Variants in RARB observed in about 807,000 individuals in gnomAD.
RARB encodes the protein HBV-activated protein.
A neutral mutation model predicts 51.9 loss-of-function variants in RARB; 17 were observed. The observed-to-expected ratio is 0.33, with a 90% confidence interval of 0.22 to 0.49. RARB has a LOEUF of 0.49. RARB is among the 20% of genes least tolerant of loss of function. RARB has a pLI of 0.99. For synonymous variants in RARB, 215 were observed against 195.4 expected, an observed-to-expected ratio of 1.10 and a Z score of -0.84; for missense variants, 369 against 550.8, an observed-to-expected ratio of 0.67 and a Z score of 3.30.
At chr3:25,072,589 C>T (rs1386926098) in intron 3 of RARB, among the ~76,000 whole-genome samples, 2 of 152,154 alleles carry the variant, frequency 1.3e-5, no homozygotes, top group Non-Finnish European at 2.9e-5. Flanking sequence ...AAGAATGGGG[C>T]AAATACCATT....
intron 5 of RARB, among the ~76,000 whole-genome samples, chr3:25,229,720 A>C (rs987805083): frequency 1.6e-4 from 24 of 148,810 alleles, no homozygotes; most frequent in African/African-American, 6.0e-4. Context: ...ATTGTTAGAA[A>C]GCATTAAATT....
intron 5 of RARB, among the ~76,000 whole-genome samples, chr3:25,589,799 G>A (rs563467595): frequency 6.6e-6 from 1 of 152,372 alleles, no homozygotes; most frequent in African/African-American, 2.4e-5. Flanking sequence ...TTTGGTTGGT[G>A]AGACAGCCTG....
At chr3:25,017,717 T>C (rs1273743854) in intron 2 of RARB, among the ~76,000 whole-genome samples, 2 of 152,204 alleles carry the variant, frequency 1.3e-5, no homozygotes, top group Admixed American at 6.5e-5. Flanking sequence ...CTAAACTTAG[T>C]GCCTCTGAAT....
chr3:24,991,881 T>C (rs1212766877), intron 2 of RARB, among the ~76,000 whole-genome samples: 2 of 151,940 alleles, frequency 1.3e-5, no homozygotes, highest in Non-Finnish European at 2.9e-5. Flanking sequence ...CTGTTCCCTA[T>C]CTCCCCCTGC....
chr3:25,213,563 C>T (rs1701749149), intron 5 of RARB, among the ~76,000 whole-genome samples: 1 of 152,154 alleles, frequency 6.6e-6, no homozygotes, highest in African/African-American at 2.4e-5. Context: ...TGCACATTAC[C>T]AGAGTATCTA....
At chr3:24,924,647 T>C (rs1695280540) in intron 2 of RARB, among the ~76,000 whole-genome samples, 1 of 152,192 alleles carries the variant, frequency 6.6e-6, no homozygotes, top group Non-Finnish European at 1.5e-5. Context: ...TCATATGTAA[T>C]ACTATTGATG....
At chr3:25,524,059 T>C (rs1698527219) in intron 3 of RARB, among the ~76,000 whole-genome samples, 1 of 152,176 alleles carries the variant, frequency 6.6e-6, no homozygotes, top group African/African-American at 2.4e-5. Flanking sequence ...CGATATACTA[T>C]AGGTTGTTCA....
At chr3:24,854,299 T>C (rs145472682) in intron 1 of RARB, among the ~76,000 whole-genome samples, 1 of 152,218 alleles carries the variant, frequency 6.6e-6, no homozygotes, top group South Asian at 2.1e-4. Context: ...ACAACTCATG[T>C]TTCTCAATGT....
At chr3:25,526,862 AT>A (rs759241022) in intron 3 of RARB, among the ~76,000 whole-genome samples, 2 of 152,186 alleles carry the variant, frequency 1.3e-5, no homozygotes, top group Non-Finnish European at 2.9e-5. Flanking sequence ...GATTTTAATA[AT>A]GGAGTTCTGC....
At chr3:25,412,485 C>G (rs1448073725) in intron 5 of RARB, among the ~76,000 whole-genome samples, 1 of 152,134 alleles carries the variant, frequency 6.6e-6, no homozygotes, top group Non-Finnish European at 1.5e-5. Flanking sequence ...TTGAGAGCTC[C>G]TTCCATTCTC....
At chr3:24,982,804 T>C (rs1696706307) in intron 2 of RARB, among the ~76,000 whole-genome samples, 1 of 152,154 alleles carries the variant, frequency 6.6e-6, no homozygotes, top group South Asian at 2.1e-4. Flanking sequence ...TGGGGCATCA[T>C]AATTATTGGA....
chr3:25,513,953 A>AT (rs1240732560), intron 3 of RARB, among the ~76,000 whole-genome samples: 1 of 152,164 alleles, frequency 6.6e-6, no homozygotes, highest in Non-Finnish European at 1.5e-5. Context: ...CATTGATAAA[A>AT]CCTTAGTGCC....
intron 5 of RARB, among the ~76,000 whole-genome samples, chr3:25,199,143 A>G (rs754170253): frequency 6.6e-6 from 1 of 152,142 alleles, no homozygotes; most frequent in Non-Finnish European, 1.5e-5. Context: ...TGTCATTTGC[A>G]ACAACGTGGA....
chr3:25,092,861 T>G (rs1192308028), intron 3 of RARB, among the ~76,000 whole-genome samples: 2 of 152,160 alleles, frequency 1.3e-5, no homozygotes, highest in Non-Finnish European at 2.9e-5. Context: ...CCTTATTCAG[T>G]CTCTCATGTT....
intron 5 of RARB, among the ~76,000 whole-genome samples, chr3:25,366,170 A>C (rs1386577590): frequency 6.6e-6 from 1 of 152,168 alleles, no homozygotes; most frequent in Non-Finnish European, 1.5e-5. Context: ...AGTACCTGTT[A>C]CAGCCTTGTA....
chr3:25,127,543 A>G (rs1331815159), intron 3 of RARB, among the ~76,000 whole-genome samples: 1 of 151,780 alleles, frequency 6.6e-6, no homozygotes, highest in African/African-American at 2.4e-5. Context: ...CATTTTTTGC[A>G]TCTGTTTACG....
At chr3:25,510,287 G>A (rs560870487) in intron 3 of RARB, among the ~76,000 whole-genome samples, 3 of 152,240 alleles carry the variant, frequency 2.0e-5, no homozygotes, top group Admixed American at 6.5e-5. Flanking sequence ...AAAGCTACAC[G>A]GTTTTCAGTA....
intron 2 of RARB, among the ~76,000 whole-genome samples, chr3:24,960,410 A>C (rs1048633251): frequency 7.9e-5 from 12 of 152,292 alleles, no homozygotes; most frequent in African/African-American, 2.6e-4. Context: ...TCTCACTGAA[A>C]ATATTTTCTC....
intron 2 of RARB, among the ~76,000 whole-genome samples, chr3:24,942,702 G>A (rs1452049416): frequency 1.3e-5 from 2 of 152,032 alleles, no homozygotes; most frequent in Admixed American, 6.5e-5. Flanking sequence ...TACGCACTAT[G>A]TTGCCTGGCA....
Sources: gnomAD v4.1 joint callset for allele counts (sites outside exome capture counted in the v4.1 genomes callset) on GRCh38, gnomAD v4.1.1 for gene constraint, MANE v1.5 for transcripts, NCBI Gene and HGNC (gene_info 2026-07-23, HGNC 2026-07-21) for gene names.